The following EIF2AK4 variants were observed in gnomAD, a reference collection of about 807,000 sequenced individuals.
The protein encoded by EIF2AK4 is eIF-2-alpha kinase GCN2.
Under a neutral mutation model 211.1 loss-of-function variants are expected in EIF2AK4, and 139 were observed. The observed-to-expected ratio is 0.66, with a 90% CI of 0.57 to 0.76. EIF2AK4 has a LOEUF of 0.76. EIF2AK4 is among the 30% of genes least tolerant of loss of function. The pLI is 0.00. For synonymous variants in EIF2AK4, 710 were observed against 751.3 expected, an observed-to-expected ratio of 0.94 and a Z score of 0.90; for missense variants, 1,664 against 2,043.8, an observed-to-expected ratio of 0.81 and a Z score of 3.58.
rs1445465012 is a variant in EIF2AK4, at chr15:40,006,926, TTTATGGGACAGGAG to T, written c.3358-84_3358-71del. 4.0e-6 allele frequency: 4 copies of T among 1,011,076 alleles called. No homozygotes were observed. In the African/African-American group the frequency reaches 6.4e-5, roughly 16 times the overall value. 62.6% of individuals were successfully genotyped at this position (1,011,076 alleles called of 1,614,324 possible). On this transcript the variant is annotated intron_variant, in intron 23 of 38. Coordinates refer to ENST00000263791, the MANE Select transcript of EIF2AK4 (RefSeq NM_001013703.4). ...AAGTACATACTTTAAAGGGGTGAAC[TTTATGGGACAGGAG>T]TTATGTTTCAATAAAGCCGCTATTA... is the stretch of plus-strand genomic sequence containing the variant.
At chr15:40,008,238 T>G in intron 25 of EIF2AK4, 43 bp downstream of exon 25, 1 of 1,536,788 alleles carries the variant, frequency 6.5e-7, no homozygotes. Flanking sequence ...CCCACTATAT[T>G]TCTTCACCAA....
rs1193059437 is a variant in EIF2AK4 at position 40,035,568 on chromosome 15, G to C, written c.*484G>C. The C allele has an allele frequency of 6.8e-6, 1 of 147,318 alleles. No homozygotes were observed. The highest frequency in any genetic ancestry group is 2.5e-5 in the African/African-American group (1 of 40,678). 9.1% of individuals were successfully genotyped at this position (147,318 alleles called of 1,614,324 possible). On this transcript the variant is annotated 3_prime_UTR_variant, in exon 39 of 39. Coordinates refer to ENST00000263791, the MANE Select transcript of EIF2AK4 (RefSeq NM_001013703.4). ...TAATATATTATAAATTTATCTTTTG[G>C]GATATAATAAATGCTTTCATATACC...
chr15:39,998,772 G>A lies in EIF2AK4; in HGVS notation c.2910G>A (p.Glu970=), dbSNP rs1277918465. 3 of 1,612,202 alleles carry A rather than the reference G, an allele frequency of 1.9e-6. No homozygotes were observed. The highest frequency in any genetic ancestry group is 2.5e-6 in the Non-Finnish European group (3 of 1,179,046). ...PKFPEDFDDG[E]HAKQKSVISW... ...TTCCAGAAGACTTTGACGATGGAGAGCATGCAAAGCAGGTAATTTTCTGAT... is the reference window on the plus strand; with the variant it reads ...TTCCAGAAGACTTTGACGATGGAGAACATGCAAAGCAGGTAATTTTCTGAT... The change falls in exon 20 of 39, where the codon GAG becomes GAA. Residue 970 remains glutamate, a synonymous_variant. Transcript: ENST00000263791.
At chr15:40,017,501 C>CTTTTTATATATATA (rs1363648720) in intron 29 of EIF2AK4, among the ~76,000 whole-genome samples, 1 of 26,128 alleles carries the variant, frequency 3.8e-5, no homozygotes, top group African/African-American at 1.6e-4. Flanking sequence ...TACTCTGTTT[C>CTTTTTATATATATA]TATATATATA....
At chr15:39,965,271 G>A (rs889353154) in intron 7 of EIF2AK4, among the ~76,000 whole-genome samples, 3 of 152,018 alleles carry the variant, frequency 2.0e-5, no homozygotes, top group East Asian at 1.9e-4. Context: ...CCAAGTGCCC[G>A]CCACCAAACC....
At chr15:39,965,221 A>T (rs1283644843) in intron 7 of EIF2AK4, among the ~76,000 whole-genome samples, 1 of 152,186 alleles carries the variant, frequency 6.6e-6, no homozygotes, top group Admixed American at 6.5e-5. Flanking sequence ...TCCCAGGTTC[A>T]AGCGATTCTC....
intron 11 of EIF2AK4, chr15:39,973,954 T>C: frequency 2.2e-6 from 1 of 461,760 alleles, no homozygotes; most frequent in Non-Finnish European, 3.7e-6. Flanking sequence ...CACTCCTCTT[T>C]CCTTGCTTCA....
intron 9 of EIF2AK4, among the ~76,000 whole-genome samples, chr15:39,969,148 C>A (rs2034586047): frequency 6.6e-6 from 1 of 151,946 alleles, no homozygotes; most frequent in South Asian, 2.1e-4. Flanking sequence ...GTTCTGCCTT[C>A]TTCATTGATG....
chr15:39,958,461 G>C (rs2034422354), intron 6 of EIF2AK4, among the ~76,000 whole-genome samples: 1 of 152,116 alleles, frequency 6.6e-6, no homozygotes, highest in African/African-American at 2.4e-5. Context: ...ATCATTAAGG[G>C]TATAAGACAT....
chr15:39,939,724 A>G, intron 2 of EIF2AK4, 107 bp downstream of exon 2: 1 of 803,342 alleles, frequency 1.2e-6, no homozygotes, highest in Non-Finnish European at 1.8e-6. Context: ...CCCATTCCAC[A>G]TAAAATTTCA....
At chr15:40,010,180 T>G (rs547681066) in intron 26 of EIF2AK4, among the ~76,000 whole-genome samples, 149 of 152,358 alleles carry the variant, frequency 9.8e-4, no homozygotes, top group Admixed American at 3.1e-3. Context: ...ATGAACTCAC[T>G]TCATTCTCAC....
intron 37 of EIF2AK4, among the ~76,000 whole-genome samples, chr15:40,033,080 G>T (rs2035565271): frequency 6.6e-6 from 1 of 152,036 alleles, no homozygotes; most frequent in Non-Finnish European, 1.5e-5. Context: ...ATGTGTCAGG[G>T]TCTGGCAGGC....
chr15:40,020,820 C>G (rs1232369635), intron 30 of EIF2AK4, 79 bp from the exon 31 acceptor site: 1 of 1,343,728 alleles, frequency 7.4e-7, no homozygotes, highest in African/African-American at 1.5e-5. Context: ...AAGAGTGCTG[C>G]CTCCCCTCCT....
chr15:39,972,784 CTT>C, intron 9 of EIF2AK4, 122 bp from the exon 10 acceptor site: 1 of 701,214 alleles, frequency 1.4e-6, no homozygotes, highest in Non-Finnish European at 2.4e-6. Flanking sequence ...ACATTCTGGT[CTT>C]TGAGTAACAT....
intron 25 of EIF2AK4, among the ~76,000 whole-genome samples, chr15:40,009,123 G>A (rs1246767621): frequency 6.8e-6 from 1 of 147,436 alleles, no homozygotes; most frequent in Non-Finnish European, 1.5e-5. Flanking sequence ...ACAGTGTCTC[G>A]CTCTGTCTCC....
intron 29 of EIF2AK4, among the ~76,000 whole-genome samples, chr15:40,017,503 A>G (rs4924406): frequency 9.2e-5 from 1 of 10,840 alleles, no homozygotes; most frequent in Non-Finnish European, 1.6e-4. Context: ...CTCTGTTTCT[A>G]TATATATATA....
intron 36 of EIF2AK4, 96 bp from the exon 37 acceptor site, chr15:40,032,661 C>A: frequency 8.7e-7 from 1 of 1,152,440 alleles, no homozygotes; most frequent in Non-Finnish European, 1.3e-6. Context: ...TCAGACTCTG[C>A]AAACCCTATT....
chr15:40,006,398 G>A (rs1384083416), intron 23 of EIF2AK4, among the ~76,000 whole-genome samples: 2 of 152,110 alleles, frequency 1.3e-5, no homozygotes, highest in African/African-American at 4.8e-5. Context: ...AGACTAAAGT[G>A]CAGATTTTTA....
At chr15:39,989,251 TA>T (rs1361668859) in intron 15 of EIF2AK4, among the ~76,000 whole-genome samples, 1 of 152,228 alleles carries the variant, frequency 6.6e-6, no homozygotes, top group African/African-American at 2.4e-5. Context: ...CTTACATTTT[TA>T]AAATGAGATT....
Sources: allele counts gnomAD v4.1 joint callset (sites outside exome capture counted in the v4.1 genomes callset), GRCh38; gene constraint gnomAD v4.1.1; transcripts MANE v1.5; gene names NCBI Gene and HGNC (gene_info 2026-07-23, HGNC 2026-07-21).